MYO5A: variants seen among roughly 807,000 people sequenced by gnomAD.
MYO5A encodes unconventional myosin-Va.
Under a neutral mutation model 249.7 loss-of-function variants are expected in MYO5A, and 98 were observed. That is an observed-to-expected ratio of 0.39 (90% CI 0.33 to 0.46). MYO5A has a LOEUF of 0.46. Ranked by LOEUF, MYO5A falls within the 20% of genes least tolerant of loss-of-function variation. The pLI is 0.98. For missense variants in MYO5A, 1,696 were observed against 2,308.8 expected (o/e 0.73, Z 5.44); for synonymous variants, 778 against 810.6 (o/e 0.96, Z 0.68).
intron 14 of MYO5A, among the ~76,000 whole-genome samples, chr15:52,385,946 C>T (rs997024690): frequency 7.9e-5 from 12 of 152,144 alleles, no homozygotes; most frequent in Non-Finnish European, 1.5e-5. Flanking sequence ...TGCATACCCA[C>T]CTTATGATGA....
intron 1 of MYO5A, among the ~76,000 whole-genome samples, chr15:52,474,583 G>A (rs1427034946): frequency 1.3e-5 from 2 of 152,046 alleles, no homozygotes; most frequent in African/African-American, 4.8e-5. Flanking sequence ...AATTTATTGA[G>A]GGTTTTTAGC....
In MYO5A at chr15:52,336,500, T is replaced by C. The variant is rs754892902; in HGVS notation, c.4371A>G (p.Gln1457=). 6.2e-7 allele frequency: 1 copy of C among 1,608,718 alleles called. No individual in the cohort carries two copies. Among genetic ancestry groups the C allele is most frequent in the Non-Finnish European group, 8.5e-7 (1 of 1,176,678 alleles). ...CAATTTTTTTGGCAAATACTTTCAGTTGTTTTTTCAGTTTACGGACCGTCT... is the reference window on the plus strand; with the variant it reads ...CAATTTTTTTGGCAAATACTTTCAGCTGTTTTTTCAGTTTACGGACCGTCT... ...QDKTVRKLKK[Q]LKVFAKKIGE... is the part of the protein sequence containing the mutation. The change falls in exon 34 of 42, where the codon CAA becomes CAG. Residue 1457 remains glutamine, a synonymous_variant. Coordinates refer to ENST00000399233, the MANE Select transcript of MYO5A (RefSeq NM_001382347.1).
chr15:52,334,155 T>C (rs1315180407), intron 34 of MYO5A, among the ~76,000 whole-genome samples: 1 of 152,226 alleles, frequency 6.6e-6, no homozygotes, highest in African/African-American at 2.4e-5. Context: ...ATTAGTAATA[T>C]CTTAAAATAG....
chr15:52,480,145 A>G (rs2076685835), intron 1 of MYO5A, among the ~76,000 whole-genome samples: 1 of 152,248 alleles, frequency 6.6e-6, no homozygotes, highest in Non-Finnish European at 1.5e-5. Context: ...AAAAGAAATC[A>G]GTTCCCTTAA....
chr15:52,497,008 C>T (rs2077050921), intron 1 of MYO5A, among the ~76,000 whole-genome samples: 1 of 152,192 alleles, frequency 6.6e-6, no homozygotes, highest in African/African-American at 2.4e-5. Context: ...GTCACCCAGG[C>T]TGCACTGCAG....
Position 52,313,839 on chromosome 15 carries a change from G to A in MYO5A, c.5500C>T (p.Arg1834Ter). 1 of 1,613,854 alleles carries A rather than the reference G, an allele frequency of 6.2e-7. No individual in the cohort carries two copies. The highest frequency in any genetic ancestry group is 8.5e-7 in the Non-Finnish European group (1 of 1,179,926). Residue 1834 changes from arginine to a stop codon, truncating the protein, a stop_gained, in exon 42 of 42, where the codon CGA (arginine) becomes TGA (stop). Transcript: ENST00000399233. LOFTEE classifies it high-confidence loss of function. ...SFIRTIQMRL[R>*]DRKDSPQLLM... The stretch of plus-strand genomic sequence containing the variant: ...AGCTGGGGAGAGTCTTTCCTGTCTC[G>A]TAAACGCATCTGAGAAGATTAGGAA...
chr15:52,364,993 C>T lies in MYO5A; in HGVS notation c.3161-291G>A, dbSNP rs16964919. Among the ~76,000 whole-genome samples the T allele has an allele frequency of 0.097, 14,745 of 152,142 alleles. 2,208 individuals carry two copies. Among genetic ancestry groups the T allele is most frequent in the African/African-American group, 0.33 (13,463 of 41,408 alleles). On this transcript the variant is annotated intron_variant, in intron 23 of 41. Coordinates refer to ENST00000399233, the MANE Select transcript of MYO5A (RefSeq NM_001382347.1). ...TTGAAAAACTTCCACTAGTCAGTCA[C>T]TGTCTAGTAACTAAAGTGTACATAT... is the stretch of plus-strand genomic sequence containing the variant.
chr15:52,431,958 A>G (rs1371217946), intron 2 of MYO5A, among the ~76,000 whole-genome samples: 4 of 151,856 alleles, frequency 2.6e-5, no homozygotes, highest in African/African-American at 9.7e-5. Context: ...CCCTGCCTCA[A>G]AAAAAAATAA....
At chr15:52,358,102 T>C (rs1422721636) in intron 25 of MYO5A, among the ~76,000 whole-genome samples, 1 of 152,178 alleles carries the variant, frequency 6.6e-6, no homozygotes, top group African/African-American at 2.4e-5. Flanking sequence ...GGAGGAGCAC[T>C]GGTTCCAAAG....
At chr15:52,525,304 G>C (rs1440614120) in intron 1 of MYO5A, among the ~76,000 whole-genome samples, 1 of 152,136 alleles carries the variant, frequency 6.6e-6, no homozygotes, top group African/African-American at 2.4e-5. Flanking sequence ...TCTCAATAAA[G>C]CTGTTATTTT....
intron 5 of MYO5A, among the ~76,000 whole-genome samples, chr15:52,411,426 A>G (rs2043241615): frequency 6.6e-6 from 1 of 152,226 alleles, no homozygotes; most frequent in African/African-American, 2.4e-5. Flanking sequence ...CTGCTACAGA[A>G]TACAGAGAAT....
rs566473696 is a variant in MYO5A, at chr15:52,397,896, A to C, written c.1054-430T>G. On this transcript the variant is annotated intron_variant, in intron 9 of 41. Transcript: ENST00000399233. ...AATCAAATGATTGCTCCCTAAAATG[A>C]AAAATACCACAAAGACCAAGGACAC... 1.4e-4 allele frequency among the ~76,000 whole-genome samples: 21 copies of C among 152,364 alleles called. No individual in the cohort carries two copies. The East Asian group carries it at 4.0e-3, about 29-fold the overall frequency.
intron 1 of MYO5A, among the ~76,000 whole-genome samples, chr15:52,447,664 G>A (rs912345221): frequency 6.6e-6 from 1 of 152,188 alleles, no homozygotes; most frequent in Non-Finnish European, 1.5e-5. Flanking sequence ...TGACCAAAAT[G>A]CTGATAGGGA....
Position 52,476,526 on chromosome 15 carries a change from G to A in MYO5A, c.28-43241C>T, listed in dbSNP as rs1283018874. ...AATTTGGCATGTTTTTGCAGTGGCT[G>A]GTACTGGTTGTTCCTTTCCATGTTT... On this transcript the variant is annotated intron_variant, in intron 1 of 41. Coordinates refer to ENST00000399233, the MANE Select transcript of MYO5A (RefSeq NM_001382347.1). Among the ~76,000 whole-genome samples, 6 of 152,296 alleles carry A rather than the reference G, an allele frequency of 3.9e-5. No individual in the cohort carries two copies. The East Asian group carries it at 9.6e-4, about 24-fold the overall frequency.
At chr15:52,385,517 G>A (rs1400095693) in intron 14 of MYO5A, among the ~76,000 whole-genome samples, 1 of 151,700 alleles carries the variant, frequency 6.6e-6, no homozygotes, top group Non-Finnish European at 1.5e-5. Context: ...ATTTCTTTAT[G>A]GTGGAAAAAT....
intron 1 of MYO5A, among the ~76,000 whole-genome samples, chr15:52,511,400 A>G (rs1476328054): frequency 6.6e-6 from 1 of 152,194 alleles, no homozygotes; most frequent in African/African-American, 2.4e-5. Context: ...CTCCTGATTC[A>G]GTACATGTGT....
rs2043113466 is a variant in MYO5A at position 52,408,631 on chromosome 15, T to C, written c.757-491A>G. The stretch of plus-strand genomic sequence containing the variant: ...CTATATCATTTTAGTTTATACATTT[T>C]AAATCAATAACTGTTTTATAAAATA... On this transcript the variant is annotated intron_variant, in intron 6 of 41. Transcript: ENST00000399233. Among the ~76,000 whole-genome samples, 3 of 152,354 alleles carry C rather than the reference T, an allele frequency of 2.0e-5. No individual in the cohort carries two copies. In the South Asian group the frequency reaches 6.2e-4, roughly 32 times the overall value.
intron 1 of MYO5A, among the ~76,000 whole-genome samples, chr15:52,524,984 A>G (rs1404338397): frequency 1.3e-5 from 2 of 152,118 alleles, no homozygotes; most frequent in Non-Finnish European, 2.9e-5. Flanking sequence ...CAGGAGGAAT[A>G]GCATGCCATT....
chr15:52,364,186 C>T (rs577623717), intron 24 of MYO5A, among the ~76,000 whole-genome samples: 2 of 151,376 alleles, frequency 1.3e-5, no homozygotes, highest in East Asian at 3.9e-4. Flanking sequence ...TGCAGTGAGC[C>T]GAGATTGTGC....
Sources: allele counts gnomAD v4.1 joint callset (sites outside exome capture counted in the v4.1 genomes callset), GRCh38; gene constraint gnomAD v4.1.1; transcripts MANE v1.5; gene names NCBI Gene and HGNC (gene_info 2026-07-23, HGNC 2026-07-21).